The following FHIT variants were observed in gnomAD, a reference collection of about 807,000 sequenced individuals.
FHIT encodes bis(5'-adenosyl)-triphosphatase.
A neutral mutation model predicts 17.9 loss-of-function variants in FHIT; 19 were observed. The ratio of observed to expected loss-of-function variants is 1.06; its 90% CI spans 0.74 to 1.56. The LOEUF (loss-of-function observed/expected upper bound fraction) is 1.56. FHIT is among the 40% of genes most tolerant of loss of function. The pLI is 0.00. For synonymous variants in FHIT, 81 were observed against 69.7 expected (o/e 1.16, Z -0.81); for missense variants, 248 against 189.2 (o/e 1.31, Z -1.82).
intron 7 of FHIT, among the ~76,000 whole-genome samples, chr3:59,941,522 T>C (rs746424322): frequency 5.9e-5 from 9 of 152,206 alleles, no homozygotes; most frequent in Non-Finnish European, 4.4e-5. Context: ...CCTGACACAT[T>C]GCATAGACTC....
At chr3:59,795,911 C>T (rs1037185661) in intron 8 of FHIT, among the ~76,000 whole-genome samples, 7 of 152,138 alleles carry the variant, frequency 4.6e-5, no homozygotes, top group African/African-American at 9.7e-5. Context: ...TGCTGCTCAG[C>T]GTTGATGGAA....
At chr3:60,669,646 T>C (rs568664678) in intron 4 of FHIT, among the ~76,000 whole-genome samples, 27 of 152,192 alleles carry the variant, frequency 1.8e-4, no homozygotes, top group African/African-American at 6.0e-4. Context: ...CCATACCTAA[T>C]AACAAATGGC....
chr3:59,825,922 T>A lies in FHIT; in HGVS notation c.349-73601A>T, dbSNP rs142044982. ...ATATCCAACCATCCAGCCATCCATC[T>A]ATGCATTTATCCATCATTTATAGTA... On this transcript the variant is annotated intron_variant, in intron 8 of 9. Transcript: ENST00000492590. 5.9e-5 allele frequency among the ~76,000 whole-genome samples: 9 copies of A among 152,340 alleles called. No homozygotes were observed. In the East Asian group the frequency reaches 9.6e-4, roughly 16 times the overall value.
chr3:61,088,323 T>C (rs1287908819), intron 2 of FHIT, among the ~76,000 whole-genome samples: 1 of 152,132 alleles, frequency 6.6e-6, no homozygotes, highest in Non-Finnish European at 1.5e-5. Flanking sequence ...TATTTGCCCA[T>C]CCAGAATAGC....
chr3:60,387,377 T>G (rs1304471193), intron 5 of FHIT, among the ~76,000 whole-genome samples: 1 of 152,112 alleles, frequency 6.6e-6, no homozygotes, highest in Non-Finnish European at 1.5e-5. Context: ...TCTATTATAC[T>G]TCCTAAGGAA....
intron 3 of FHIT, among the ~76,000 whole-genome samples, chr3:60,898,430 G>A (rs1705939409): frequency 5.3e-5 from 8 of 152,168 alleles, no homozygotes; most frequent in Non-Finnish European, 1.5e-5. Flanking sequence ...TTTGATATAC[G>A]TGGTCAAGTT....
At chr3:59,849,510 C>A (rs1701851016) in intron 8 of FHIT, among the ~76,000 whole-genome samples, 1 of 152,176 alleles carries the variant, frequency 6.6e-6, no homozygotes, top group African/African-American at 2.4e-5. Flanking sequence ...TGGTGGCTTG[C>A]AAACTACCCT....
chr3:60,399,621 T>A (rs1173682877), intron 5 of FHIT, among the ~76,000 whole-genome samples: 3 of 152,142 alleles, frequency 2.0e-5, no homozygotes, highest in Non-Finnish European at 4.4e-5. Flanking sequence ...AATATTCTCT[T>A]TCAGAGGATA....
At chr3:59,944,647 T>C (rs1366014458) in intron 7 of FHIT, among the ~76,000 whole-genome samples, 1 of 152,120 alleles carries the variant, frequency 6.6e-6, no homozygotes, top group Non-Finnish European at 1.5e-5. Context: ...TAGTACCCAA[T>C]GGGTAATTCT....
intron 4 of FHIT, among the ~76,000 whole-genome samples, chr3:60,646,518 A>C (rs1553686763): frequency 1.3e-5 from 2 of 152,188 alleles, no homozygotes; most frequent in Non-Finnish European, 2.9e-5. Context: ...ATTTCATACA[A>C]GTTTTTTATC....
At chr3:61,005,839 G>A (rs1281092970) in intron 3 of FHIT, among the ~76,000 whole-genome samples, 1 of 152,132 alleles carries the variant, frequency 6.6e-6, no homozygotes, top group South Asian at 2.1e-4. Flanking sequence ...CTGTCGGGGA[G>A]GTTAGTTCCA....
intron 3 of FHIT, among the ~76,000 whole-genome samples, chr3:60,989,900 T>G (rs757962588): frequency 5.3e-5 from 8 of 152,162 alleles, no homozygotes; most frequent in Middle Eastern, 3.2e-3. Context: ...AAGGAAGAGA[T>G]GAATGTGCAG....
At position 60,195,553 on chromosome 3, in the gene FHIT, A is replaced by ATATATATATATATATATATATT. The variant is rs148013554; in HGVS notation, c.104-181402_104-181401insAATATATATATATATATATATA. Reference sequence around the variant, plus strand: ...AGCGGATAAGGAAAATGTGATATATATATATATTTATATTTATATAATTAT... The same window carrying ATATATATATATATATATATATT: ...AGCGGATAAGGAAAATGTGATATATATATATATATATATATATATATTTATATATTTATATTTATATAATTAT... On this transcript the variant is annotated intron_variant, in intron 5 of 9. Coordinates refer to ENST00000492590, the MANE Select transcript of FHIT (RefSeq NM_002012.4). Among the ~76,000 whole-genome samples, 986 of 136,446 alleles carry ATATATATATATATATATATATT rather than the reference A, an allele frequency of 7.2e-3. 13 individuals are homozygous for ATATATATATATATATATATATT. Among genetic ancestry groups the ATATATATATATATATATATATT allele is most frequent in the Non-Finnish European group, 0.01 (678 of 65,280 alleles). The allele number at this position is 136,446 out of a possible 152,430, so 89.5% of individuals were successfully genotyped here.
chr3:60,153,273 C>A (rs1021893719), intron 5 of FHIT, among the ~76,000 whole-genome samples: 2 of 148,934 alleles, frequency 1.3e-5, no homozygotes, highest in Non-Finnish European at 3.0e-5. Flanking sequence ...CCTGTGTTTT[C>A]TCATGGCCTC....
Position 60,123,729 on chromosome 3 carries a change from A to T in FHIT, c.104-109577T>A, listed in dbSNP as rs558873242. On this transcript the variant is annotated intron_variant, in intron 5 of 9. Coordinates refer to ENST00000492590, the MANE Select transcript of FHIT (RefSeq NM_002012.4). ...TCAACTTCATTTCTCTAATCATGAG[A>T]GAACGCCAGTGCCCACTTTAAGTTT... Among the ~76,000 whole-genome samples the T allele has an allele frequency of 8.6e-5, 13 of 151,842 alleles. No individual in the cohort carries two copies. The South Asian group carries it at 1.5e-3, about 17-fold the overall frequency.
At chr3:59,917,534 C>G (rs1705190234) in intron 8 of FHIT, among the ~76,000 whole-genome samples, 1 of 152,098 alleles carries the variant, frequency 6.6e-6, no homozygotes, top group Admixed American at 6.5e-5. Flanking sequence ...ATCAACTTGT[C>G]AAGATAATGA....
intron 4 of FHIT, among the ~76,000 whole-genome samples, chr3:60,712,079 C>A (rs1334512663): frequency 6.6e-6 from 1 of 152,166 alleles, no homozygotes; most frequent in African/African-American, 2.4e-5. Flanking sequence ...GATCTCTCGG[C>A]AGAAATACTA....
chr3:61,083,665 A>G (rs956462717), intron 2 of FHIT, among the ~76,000 whole-genome samples: 3 of 151,926 alleles, frequency 2.0e-5, no homozygotes, highest in African/African-American at 4.8e-5. Flanking sequence ...CCCTCACTAA[A>G]CTCTAACCAA....
chr3:59,860,130 A>G (rs959748431), intron 8 of FHIT, among the ~76,000 whole-genome samples: 4 of 152,034 alleles, frequency 2.6e-5, no homozygotes, highest in Middle Eastern at 3.2e-3. Context: ...CTTCAGAATT[A>G]AAAAAAATAC....
Sources: allele counts gnomAD v4.1 joint callset (sites outside exome capture counted in the v4.1 genomes callset), GRCh38; gene constraint gnomAD v4.1.1; transcripts MANE v1.5; gene names NCBI Gene and HGNC (gene_info 2026-07-23, HGNC 2026-07-21).